SS18L1: variants seen among roughly 807,000 people sequenced by gnomAD.
The protein encoded by SS18L1 is calcium-responsive transactivator.
In SS18L1, 32 loss-of-function variants were observed where a neutral mutation model predicts 70.3. The ratio of observed to expected loss-of-function variants is 0.46; its 90% confidence interval spans 0.34 to 0.61. The LOEUF is 0.61. Ranked by LOEUF, SS18L1 falls within the 20% of genes least tolerant of loss-of-function variation. SS18L1 has a pLI of 0.01. For missense variants in SS18L1, 430 were observed against 542.1 expected, an observed-to-expected ratio of 0.79 and a Z score of 2.05; for synonymous variants, 237 against 229.7, an observed-to-expected ratio of 1.03 and a Z score of -0.29.
intron 4 of SS18L1, among the ~76,000 whole-genome samples, chr20:62,162,072 T>G (rs771871507): frequency 2.6e-5 from 4 of 151,926 alleles, no homozygotes; most frequent in Non-Finnish European, 4.4e-5. Flanking sequence ...AATAAAAATA[T>G]TAGCCGGGTG....
At chr20:62,175,352 C>A in intron 10 of SS18L1, 1 of 985,388 alleles carries the variant, frequency 1.0e-6, no homozygotes, top group South Asian at 4.7e-5. Context: ...CATCGCTTTC[C>A]CTCTGAGTGG....
intron 1 of SS18L1, among the ~76,000 whole-genome samples, chr20:62,149,403 C>A (rs186025651): frequency 6.6e-6 from 1 of 152,352 alleles, no homozygotes; most frequent in East Asian, 1.9e-4. Flanking sequence ...TGGTCTGATT[C>A]TAATCGGCCA....
intron 8 of SS18L1, among the ~76,000 whole-genome samples, chr20:62,172,069 G>A (rs1239491689): frequency 6.6e-6 from 1 of 151,866 alleles, no homozygotes; most frequent in East Asian, 1.9e-4. Flanking sequence ...GGCTGAGGCA[G>A]GAGAATGGCG....
At chr20:62,168,640 A>G (rs980744205) in intron 8 of SS18L1, among the ~76,000 whole-genome samples, 11 of 148,370 alleles carry the variant, frequency 7.4e-5, no homozygotes, top group African/African-American at 2.5e-4. Context: ...GCAACATAGT[A>G]AGACCCCCTC....
chr20:62,145,134 T>A (rs1394479964), intron 1 of SS18L1, among the ~76,000 whole-genome samples: 1 of 152,278 alleles, frequency 6.6e-6, no homozygotes, highest in African/African-American at 2.4e-5. Context: ...TTTACAAGTG[T>A]GGCATTTTAA....
chr20:62,157,768 G>A (rs1398025033), intron 1 of SS18L1, among the ~76,000 whole-genome samples: 2 of 152,206 alleles, frequency 1.3e-5, no homozygotes, highest in African/African-American at 4.8e-5. Flanking sequence ...CCGTTCTCCT[G>A]CATTTCAGCG....
At chr20:62,155,022 ATCT>A (rs1436200202) in intron 1 of SS18L1, among the ~76,000 whole-genome samples, 1 of 152,038 alleles carries the variant, frequency 6.6e-6, no homozygotes, top group Non-Finnish European at 1.5e-5. Context: ...AACTGGCATC[ATCT>A]TCTTTTCTGG....
At chr20:62,165,585 T>G (rs2057414626) in intron 8 of SS18L1, 71 bp downstream of exon 8, 1 of 1,428,118 alleles carries the variant, frequency 7.0e-7, no homozygotes, top group African/African-American at 1.4e-5. Flanking sequence ...CGCTGCACCC[T>G]TAGGAGCACG....
chr20:62,153,293 A>T (rs979347510), intron 1 of SS18L1, among the ~76,000 whole-genome samples: 3 of 152,192 alleles, frequency 2.0e-5, no homozygotes, highest in African/African-American at 7.2e-5. Context: ...TATGGGAACT[A>T]CAATTGAAGA....
chr20:62,157,147 G>A (rs1018640793), intron 1 of SS18L1, among the ~76,000 whole-genome samples: 2 of 152,164 alleles, frequency 1.3e-5, no homozygotes, highest in African/African-American at 4.8e-5. Context: ...GCTCCCCACG[G>A]CCTGTGGGCG....
chr20:62,179,148 A>G lies in SS18L1; in HGVS notation c.1165-34A>G, dbSNP rs1251689289. 13 of 1,612,716 alleles carry G rather than the reference A, an allele frequency of 8.1e-6. No individual in the cohort carries two copies. The African/African-American group carries it at 1.1e-4, about 13-fold the overall frequency. On this transcript the variant is annotated intron_variant, in intron 10 of 10. Coordinates refer to ENST00000331758, the MANE Select transcript of SS18L1 (RefSeq NM_198935.3). ...GTCTGTCTTCCTTTCACTCATTACT[A>G]TAGGGGTGTAATCTGTGTCTTGATC...
rs533218626 is a variant in SS18L1 at position 62,160,219 on chromosome 20, G to A, written c.231+258G>A. ...TATGTATTGAAGGGAGGGAAGCCCC[G>A]GAGAAGCCACTCCAGGAGCAGCCGC... On this transcript the variant is annotated intron_variant, in intron 3 of 10. Transcript: ENST00000331758. Among the ~76,000 whole-genome samples, 8 of 135,670 alleles carry A rather than the reference G, an allele frequency of 5.9e-5. No individual in the cohort carries two copies. In the East Asian group the frequency reaches 6.2e-4, roughly 11 times the overall value. 89.0% of individuals were successfully genotyped at this position (135,670 alleles called of 152,430 possible).
At position 62,162,484 on chromosome 20, in the gene SS18L1, A is replaced by G. The variant is rs1055325734; in HGVS notation, c.377-268A>G. ...ACCTGGCTAATTTTTTTGTATTTTT[A>G]GTAGAGACGGGGTTTCACCATGTTG... On this transcript the variant is annotated intron_variant, in intron 4 of 10. Coordinates refer to ENST00000331758, the MANE Select transcript of SS18L1 (RefSeq NM_198935.3). 2 of 358,192 alleles carry G rather than the reference A, an allele frequency of 5.6e-6. No homozygotes were observed. Among genetic ancestry groups the G allele is most frequent in the African/African-American group, 4.3e-5 (2 of 46,546 alleles). The allele number at this position is 358,192 out of a possible 1,614,324, so 22.2% of individuals were successfully genotyped here. A position where few individuals can be genotyped will look rare whatever the true frequency, so the allele number is the denominator to read the frequency against.
rs896956984 is a variant in SS18L1, at chr20:62,159,834, G to C, written c.147-43G>C. ...TGCCTTGGATCCACGTGGGGACTCT[G>C]TGGTCCCGTCGTCCTGCCTCATGCG... On this transcript the variant is annotated intron_variant, in intron 2 of 10. Coordinates refer to ENST00000331758, the MANE Select transcript of SS18L1 (RefSeq NM_198935.3). The surrounding 1 kb of genome is among the most constrained non-coding windows in gnomAD (Gnocchi z 4.4). 1.2e-5 allele frequency: 19 copies of C among 1,589,904 alleles called. No individual in the cohort carries two copies. The highest frequency in any genetic ancestry group is 2.7e-5 in the African/African-American group (2 of 74,334).
At position 62,161,015 on chromosome 20, in the gene SS18L1, C is replaced by T. The variant is rs2057319334; in HGVS notation, c.232-421C>T. 6.6e-6 allele frequency among the ~76,000 whole-genome samples: 1 copy of T among 151,696 alleles called. No individual in the cohort carries two copies. The highest frequency in any genetic ancestry group is 6.6e-5 in the Admixed American group (1 of 15,216). ...GCACATGCAGCAGGAGCACGGGAAA[C>T]AGGAGAGGGATCCCACCTCTGCCGA... On this transcript the variant is annotated intron_variant, in intron 3 of 10. Coordinates refer to ENST00000331758, the MANE Select transcript of SS18L1 (RefSeq NM_198935.3). This position sits in a 1 kb window ranked among gnomAD's most constrained non-coding sequence, Gnocchi z 4.4.
chr20:62,160,543 TGTTA>T (rs2057310878), intron 3 of SS18L1, among the ~76,000 whole-genome samples: 1 of 152,082 alleles, frequency 6.6e-6, no homozygotes, highest in African/African-American at 2.4e-5. Flanking sequence ...ATTCTCCCAG[TGTTA>T]GTTCAAATAT....
intron 1 of SS18L1, among the ~76,000 whole-genome samples, chr20:62,151,759 G>A (rs542397903): frequency 2.0e-5 from 3 of 152,264 alleles, no homozygotes; most frequent in Non-Finnish European, 2.9e-5. Flanking sequence ...GGTTGAGAAA[G>A]TCACCCCCAC....
chr20:62,166,796 G>A (rs1414949912), intron 8 of SS18L1, among the ~76,000 whole-genome samples: 2 of 151,286 alleles, frequency 1.3e-5, no homozygotes, highest in African/African-American at 4.9e-5. Flanking sequence ...GTGGTGGCAT[G>A]TGCCTGTAAT....
chr20:62,158,520 A>T lies in SS18L1; in HGVS notation c.70-152A>T. ...TGCCAAACCGGTGGGTCTAATACAGATATCCCCAAATCTGGAAAAATCTGA... is the reference window on the plus strand; with the variant it reads ...TGCCAAACCGGTGGGTCTAATACAGTTATCCCCAAATCTGGAAAAATCTGA... On this transcript the variant is annotated intron_variant, in intron 1 of 10. Transcript: ENST00000331758. The surrounding 1 kb of genome is among the most constrained non-coding windows in gnomAD (Gnocchi z 4.5). The T allele has an allele frequency of 2.3e-6, 3 of 1,294,328 alleles. No individual in the cohort carries two copies. Among genetic ancestry groups the T allele is most frequent in the Middle Eastern group, 2.7e-4 (1 of 3,704 alleles). The allele number at this position is 1,294,328 out of a possible 1,614,324, so 80.2% of individuals were successfully genotyped here.
Sources: gnomAD v4.1 joint callset for allele counts (sites outside exome capture counted in the v4.1 genomes callset) on GRCh38, gnomAD v4.1.1 for gene constraint, Gnocchi (gnomAD v3.1) non-coding constraint, MANE v1.5 for transcripts, NCBI Gene and HGNC (gene_info 2026-07-23, HGNC 2026-07-21) for gene names.